CCDC138: variants seen among roughly 807,000 people sequenced by gnomAD.
CCDC138 encodes coiled-coil domain-containing protein 138.
CCDC138 carries 66 observed loss-of-function variants against 82.3 expected under a neutral mutation model. The observed-to-expected ratio is 0.80, with a 90% confidence interval of 0.66 to 0.98. The LOEUF (loss-of-function observed/expected upper bound fraction) is 0.98. Among genes scored for constraint, CCDC138 ranks in the 50% least tolerant of loss-of-function variants. The pLI is 0.00. For synonymous variants in CCDC138, 297 were observed against 265.4 expected (o/e 1.12, Z -1.16); for missense variants, 816 against 758.9 (o/e 1.08, Z -0.88).
At chr2:108,830,248 G>C (rs1024475948) in intron 10 of CCDC138, among the ~76,000 whole-genome samples, 2 of 152,194 alleles carry the variant, frequency 1.3e-5, no homozygotes, top group Admixed American at 1.3e-4. Context: ...GGTTACCAAG[G>C]GCTGGGGGAA....
At chr2:108,825,869 T>C (rs1686500309) in intron 10 of CCDC138, among the ~76,000 whole-genome samples, 1 of 152,196 alleles carries the variant, frequency 6.6e-6, no homozygotes, top group African/African-American at 2.4e-5. Flanking sequence ...TCAACAGTTG[T>C]TGAGTCCTGC....
chr2:108,874,979 T>G (rs1402390038), intron 14 of CCDC138, among the ~76,000 whole-genome samples: 1 of 152,046 alleles, frequency 6.6e-6, no homozygotes, highest in African/African-American at 2.4e-5. Context: ...CCAAAATGTT[T>G]TACTATTCAT....
chr2:108,849,800 C>T (rs1574215604), intron 12 of CCDC138, among the ~76,000 whole-genome samples: 1 of 152,222 alleles, frequency 6.6e-6, no homozygotes, highest in Non-Finnish European at 1.5e-5. Flanking sequence ...CTGTGGGGTT[C>T]CAGTGTTCAT....
rs1351244799 is a variant in CCDC138 at position 108,788,072 on chromosome 2, G to A, written c.134G>A (p.Arg45Lys). 2 of 1,598,172 alleles carry A rather than the reference G, an allele frequency of 1.3e-6. No homozygotes were observed. The highest frequency in any genetic ancestry group is 2.7e-5 in the African/African-American group (2 of 73,478). ...TTTTATCAGTCTAAGTATAAGAGAA[G>A]AACTCTAACCTCCCCAGGTAAGCCG... ...SNFYQSKYKR[R>K]TLTSPGDLDI... The change falls in exon 2 of 15, where the codon AGA becomes AAA. Residue 45 changes from arginine (R) to lysine (K), a missense_variant. Arg to Lys is a conservative substitution (Grantham distance 26). Transcript: ENST00000295124.
chr2:108,876,332 C>A lies in CCDC138; in HGVS notation c.*79C>A. Reference sequence around the variant, plus strand: ...AATTACCAAAGTAACTACAATTCTACCAAGTAAAGTTATCAGTAGCATCAT... The same window carrying A: ...AATTACCAAAGTAACTACAATTCTAACAAGTAAAGTTATCAGTAGCATCAT... On this transcript the variant is annotated 3_prime_UTR_variant, in exon 15 of 15. Coordinates refer to ENST00000295124, the MANE Select transcript of CCDC138 (RefSeq NM_144978.3). The A allele has an allele frequency of 1.0e-5, 8 of 777,872 alleles. No homozygotes were observed. The highest frequency in any genetic ancestry group is 3.0e-5 in the South Asian group (1 of 33,176). The allele number at this position is 777,872 out of a possible 1,614,324, so 48.2% of individuals were successfully genotyped here.
At chr2:108,791,523 G>GT (rs1679905183) in intron 3 of CCDC138, 152 bp from the exon 4 acceptor site, 1 of 864,790 alleles carries the variant, frequency 1.2e-6, no homozygotes, top group African/African-American at 1.7e-5. Context: ...TAGTTTTTAC[G>GT]TTTTTTCTTT....
chr2:108,788,354 A>G (rs1679284126), intron 2 of CCDC138, among the ~76,000 whole-genome samples: 1 of 151,874 alleles, frequency 6.6e-6, no homozygotes, highest in South Asian at 2.1e-4. Context: ...CGGGAGGCAG[A>G]GGTTGCAGTG....
intron 10 of CCDC138, among the ~76,000 whole-genome samples, chr2:108,832,596 A>G (rs1252294901): frequency 3.3e-5 from 5 of 152,016 alleles, no homozygotes; most frequent in East Asian, 1.9e-4. Flanking sequence ...TGTATTTCCA[A>G]CATGTTCCCA....
chr2:108,857,742 T>C (rs1692859247), intron 13 of CCDC138, among the ~76,000 whole-genome samples: 2 of 152,318 alleles, frequency 1.3e-5, no homozygotes, highest in South Asian at 4.1e-4. Flanking sequence ...AAGTGAAAAG[T>C]TAGTGAACTG....
intron 10 of CCDC138, among the ~76,000 whole-genome samples, chr2:108,828,807 T>G (rs1275465227): frequency 6.6e-6 from 1 of 152,024 alleles, no homozygotes; most frequent in East Asian, 1.9e-4. Context: ...TGAAACCCTA[T>G]CTGTACTAAA....
chr2:108,869,053 T>C (rs758765015), intron 13 of CCDC138, among the ~76,000 whole-genome samples: 36 of 152,088 alleles, frequency 2.4e-4, no homozygotes, highest in Non-Finnish European at 4.9e-4. Context: ...TGAAGAAAAT[T>C]TTTTTTTCAT....
downstream of CCDC138, among the ~76,000 whole-genome samples, chr2:108,879,025 T>A (rs9636370): frequency 2.6e-5 from 4 of 151,752 alleles, no homozygotes; most frequent in Admixed American, 2.6e-4. Context: ...AAGTTCTTTA[T>A]GGTCATGTTC....
At chr2:108,843,705 A>G (rs1375414437) in intron 11 of CCDC138, among the ~76,000 whole-genome samples, 2 of 151,734 alleles carry the variant, frequency 1.3e-5, no homozygotes, top group African/African-American at 4.8e-5. Context: ...TTTAGTTTTT[A>G]TAAGTTTGAC....
rs557382802 is a variant in CCDC138, at chr2:108,872,458, C to T, written c.1694-993C>T. On this transcript the variant is annotated intron_variant, in intron 13 of 14. Coordinates refer to ENST00000295124, the MANE Select transcript of CCDC138 (RefSeq NM_144978.3). ...ACTACATAGTTATATGCAAAAGGCA[C>T]ATAACCATTGTCTCCAGTGCTCCAT... 2.0e-3 allele frequency among the ~76,000 whole-genome samples: 299 copies of T among 152,296 alleles called. 8 individuals carry two copies. The highest frequency in any genetic ancestry group is 2.1e-3 in the Non-Finnish European group (140 of 68,030).
intron 7 of CCDC138, among the ~76,000 whole-genome samples, chr2:108,810,992 T>C (rs1187224407): frequency 6.6e-6 from 1 of 152,168 alleles, no homozygotes. Context: ...ATGATCTCTG[T>C]AGTCTCTAGT....
chr2:108,877,206 G>C (rs1344508649), downstream of CCDC138, among the ~76,000 whole-genome samples: 1 of 152,050 alleles, frequency 6.6e-6, no homozygotes, highest in Non-Finnish European at 1.5e-5. Flanking sequence ...GGTGGCTTAC[G>C]CCTGTAATCC....
intron 10 of CCDC138, among the ~76,000 whole-genome samples, chr2:108,833,564 A>G (rs2150314661): frequency 6.6e-6 from 1 of 152,354 alleles, no homozygotes; most frequent in East Asian, 1.9e-4. Context: ...AGTCCATGAC[A>G]AAGGTCAGCA....
intron 12 of CCDC138, among the ~76,000 whole-genome samples, chr2:108,847,139 C>A (rs546337806): frequency 1.3e-5 from 2 of 152,292 alleles, no homozygotes; most frequent in South Asian, 4.1e-4. Flanking sequence ...TCCCAAGAGG[C>A]CTTTGATTGT....
At chr2:108,853,412 A>G (rs984226764) in intron 12 of CCDC138, among the ~76,000 whole-genome samples, 4 of 152,168 alleles carry the variant, frequency 2.6e-5, no homozygotes, top group South Asian at 2.1e-4. Flanking sequence ...ACAGAAATCT[A>G]TGTGTATTTT....
Sources: allele counts gnomAD v4.1 joint callset (sites outside exome capture counted in the v4.1 genomes callset), GRCh38; gene constraint gnomAD v4.1.1; transcripts MANE v1.5; gene names NCBI Gene and HGNC (gene_info 2026-07-23, HGNC 2026-07-21).